The following LINGO1 variants were observed in gnomAD, a reference collection of about 807,000 sequenced individuals.
LINGO1 encodes the protein leucine-rich repeat and immunoglobulin-like domain-containing nogo receptor-interacting protein 1.
Under a neutral mutation model 37.3 loss-of-function variants are expected in LINGO1, and 11 were observed. The ratio of observed to expected loss-of-function variants is 0.29; its 90% CI spans 0.19 to 0.49. The LOEUF is 0.49. Ranked by LOEUF, LINGO1 falls within the 20% of genes least tolerant of loss-of-function variation. The pLI, the probability that LINGO1 is intolerant of heterozygous loss-of-function variation, is 0.99. For synonymous variants in LINGO1, 387 were observed against 403.0 expected (o/e 0.96, Z 0.48); for missense variants, 585 against 878.2 (o/e 0.67, Z 4.22).
At chr15:77,758,932 CCTGT>C (rs1373274797) in intron 1 of LINGO1, among the ~76,000 whole-genome samples, 1 of 152,112 alleles carries the variant, frequency 6.6e-6, no homozygotes, top group African/African-American at 2.4e-5. Context: ...TCAGCCTGGG[CCTGT>C]CTGAGGTGTT....
chr15:77,770,271 G>A (rs1353799826), intron 1 of LINGO1, among the ~76,000 whole-genome samples: 1 of 152,186 alleles, frequency 6.6e-6, no homozygotes, highest in Non-Finnish European at 1.5e-5. Flanking sequence ...GCCCAGAGGA[G>A]TGGATTGTTG....
chr15:77,667,418 G>C (rs1005332310), intron 3 of LINGO1, among the ~76,000 whole-genome samples: 1 of 152,202 alleles, frequency 6.6e-6, no homozygotes, highest in Non-Finnish European at 1.5e-5. Flanking sequence ...GAATAGGGAG[G>C]GGCGAGGGGC....
At chr15:77,781,267 T>C (rs543803830) in intron 1 of LINGO1, among the ~76,000 whole-genome samples, 1 of 152,114 alleles carries the variant, frequency 6.6e-6, no homozygotes, top group Admixed American at 6.5e-5. Flanking sequence ...CTCTTCTGCC[T>C]CCAGCAAAGG....
intron 1 of LINGO1, among the ~76,000 whole-genome samples, chr15:77,778,346 A>G (rs2076681791): frequency 6.6e-6 from 1 of 152,206 alleles, no homozygotes; most frequent in African/African-American, 2.4e-5. Context: ...CTCTGCAAAG[A>G]CATTTTCCAC....
chr15:77,656,858 C>G (rs1393018937), intron 3 of LINGO1, among the ~76,000 whole-genome samples: 1 of 152,148 alleles, frequency 6.6e-6, no homozygotes, highest in Non-Finnish European at 1.5e-5. Context: ...TTCTTTGTCC[C>G]TGGCAGTGGC....
intron 2 of LINGO1, among the ~76,000 whole-genome samples, chr15:77,734,196 G>A (rs2076180749): frequency 6.6e-6 from 1 of 152,114 alleles, no homozygotes; most frequent in Non-Finnish European, 1.5e-5. Flanking sequence ...GTGAGGAGGG[G>A]TGCCGTCTCC....
intron 3 of LINGO1, among the ~76,000 whole-genome samples, chr15:77,657,467 T>A (rs546321584): frequency 6.6e-6 from 1 of 152,268 alleles, no homozygotes; most frequent in African/African-American, 2.4e-5. Context: ...AAACTCCCCA[T>A]CTTGATCCCT....
intron 3 of LINGO1, among the ~76,000 whole-genome samples, chr15:77,664,637 C>T (rs979379076): frequency 6.6e-6 from 1 of 152,160 alleles, no homozygotes; most frequent in Non-Finnish European, 1.5e-5. Flanking sequence ...GAGGGCTCCT[C>T]CCAGCCTGAG....
chr15:77,670,488 G>A (rs1383323294), intron 3 of LINGO1, among the ~76,000 whole-genome samples: 1 of 152,250 alleles, frequency 6.6e-6, no homozygotes. Context: ...GAAGCTCTGG[G>A]AGGGTGGGGC....
chr15:77,628,233 A>G (rs986516981), intron 1 of LINGO1, among the ~76,000 whole-genome samples: 1 of 152,224 alleles, frequency 6.6e-6, no homozygotes, highest in South Asian at 2.1e-4. Context: ...GAGACACTGC[A>G]TGTTGCCTCA....
intron 3 of LINGO1, among the ~76,000 whole-genome samples, chr15:77,650,027 G>A (rs1567489672): frequency 1.3e-5 from 2 of 152,246 alleles, no homozygotes; most frequent in Admixed American, 6.5e-5. Context: ...CGTGGAAAAT[G>A]GGAGAGGTGA....
chr15:77,815,275 CCT>C (rs1397187986), intron 1 of LINGO1, among the ~76,000 whole-genome samples: 1 of 152,200 alleles, frequency 6.6e-6, no homozygotes, highest in African/African-American at 2.4e-5. Flanking sequence ...CTGCAGAGGC[CCT>C]GAGGCCCCGG....
chr15:77,758,355 G>A (rs1191100502), intron 1 of LINGO1, among the ~76,000 whole-genome samples: 5 of 152,160 alleles, frequency 3.3e-5, no homozygotes, highest in African/African-American at 1.2e-4. Flanking sequence ...CAAGGCGGGC[G>A]CTCCCCATCT....
chr15:77,615,539 G>C lies in LINGO1; in HGVS notation c.368C>G (p.Thr123Arg). 6.2e-7 allele frequency: 1 copy of C among 1,613,546 alleles called. No individual in the cohort carries two copies. Among genetic ancestry groups the C allele is most frequent in the South Asian group, 1.1e-5 (1 of 91,062 alleles). Residue 123 changes from threonine (T) to arginine (R), a missense_variant, in exon 2 of 2, where the codon ACG becomes AGG. Physicochemically the swap from Thr to Arg is moderately conservative, Grantham distance 71. This residue lies in a region of LINGO1 where 484 missense variants were observed against 735.0 expected (regional missense o/e 0.66). Transcript: ENST00000355300. ...CAGGCGGTTGCTGCGGAGACCCAGCGTCCGGAGGTTGAAGAGGTTGTTGAA... is the reference window on the plus strand; with the variant it reads ...CAGGCGGTTGCTGCGGAGACCCAGCCTCCGGAGGTTGAAGAGGTTGTTGAA... ...GAFNNLFNLR[T>R]LGLRSNRLKL...
At chr15:77,692,196 CA>C (rs971485539) in intron 1 of LINGO1, among the ~76,000 whole-genome samples, 103 of 152,216 alleles carry the variant, frequency 6.8e-4, no homozygotes, top group African/African-American at 2.4e-3. Flanking sequence ...CAGCACTTGA[CA>C]AATTAAAAGT....
At chr15:77,694,303 C>G (rs532518672) in intron 1 of LINGO1, among the ~76,000 whole-genome samples, 1 of 152,242 alleles carries the variant, frequency 6.6e-6, no homozygotes, top group Admixed American at 6.5e-5. Flanking sequence ...CACTGTGAGG[C>G]AGATAGGGCA....
chr15:77,728,806 T>C (rs2076127947), intron 2 of LINGO1, among the ~76,000 whole-genome samples: 1 of 152,242 alleles, frequency 6.6e-6, no homozygotes, highest in Non-Finnish European at 1.5e-5. Context: ...TGTCTGCACT[T>C]CAGTTCTCTG....
chr15:77,630,559 C>T (rs552165734), intron 1 of LINGO1, among the ~76,000 whole-genome samples: 7 of 152,226 alleles, frequency 4.6e-5, no homozygotes, highest in East Asian at 3.9e-4. Flanking sequence ...AGAGGACTAT[C>T]GCAAGGGGTA....
intron 1 of LINGO1, among the ~76,000 whole-genome samples, chr15:77,778,129 C>T (rs1332471804): frequency 6.6e-6 from 1 of 152,206 alleles, no homozygotes. Flanking sequence ...CATATCCATT[C>T]CTGGCCTCTT....
Sources: gnomAD v4.1 joint callset for allele counts (sites outside exome capture counted in the v4.1 genomes callset) on GRCh38, gnomAD v4.1.1 for gene constraint, gnomAD v4.1.1 regional missense constraint, MANE v1.5 for transcripts, NCBI Gene and HGNC (gene_info 2026-07-23, HGNC 2026-07-21) for gene names.